The following SLC9B2 variants were observed in gnomAD, a reference collection of about 807,000 sequenced individuals.
The protein encoded by SLC9B2 is solute carrier family 9 member B2.
A neutral mutation model predicts 52.2 loss-of-function variants in SLC9B2; 39 were observed. The observed-to-expected ratio is 0.75, with a 90% CI of 0.58 to 0.98. The LOEUF is 0.98. Among genes scored for constraint, SLC9B2 ranks in the 50% least tolerant of loss-of-function variants. SLC9B2 has a pLI of 0.00. For synonymous variants in SLC9B2, 214 were observed against 227.0 expected, an observed-to-expected ratio of 0.94 and a Z score of 0.51; for missense variants, 626 against 637.5, an observed-to-expected ratio of 0.98 and a Z score of 0.19.
Position 103,025,270 on chromosome 4 carries a change from C to T in SLC9B2, c.*1100G>A, listed in dbSNP as rs1442813060. On this transcript the variant is annotated 3_prime_UTR_variant, in exon 12 of 12. Coordinates refer to ENST00000394785, the MANE Select transcript of SLC9B2 (RefSeq NM_178833.7). ...TTTAACCCATTTATGCCTAGTGTTCCATTATTAGAATGCTAAGCCTGTGGG... is the reference window on the plus strand; with the variant it reads ...TTTAACCCATTTATGCCTAGTGTTCTATTATTAGAATGCTAAGCCTGTGGG... Among the ~76,000 whole-genome samples the T allele has an allele frequency of 6.6e-6, 1 of 152,100 alleles. No individual in the cohort carries two copies. The highest frequency in any genetic ancestry group is 1.9e-4 in the East Asian group (1 of 5,192).
intron 10 of SLC9B2, among the ~76,000 whole-genome samples, chr4:103,030,845 T>G (rs1246731492): frequency 3.3e-5 from 5 of 152,028 alleles, no homozygotes; most frequent in African/African-American, 1.2e-4. Context: ...AACAACAATT[T>G]CCCTTTACTC....
At chr4:103,044,195 C>T (rs1743895088) in intron 8 of SLC9B2, among the ~76,000 whole-genome samples, 1 of 152,174 alleles carries the variant, frequency 6.6e-6, no homozygotes, top group Non-Finnish European at 1.5e-5. Flanking sequence ...GTTCAAGTCA[C>T]TTATCCTGCC....
downstream of SLC9B2, among the ~76,000 whole-genome samples, chr4:103,020,598 G>C (rs989749545): frequency 6.6e-6 from 1 of 151,980 alleles, no homozygotes; most frequent in Non-Finnish European, 1.5e-5. Flanking sequence ...CCAAATTACC[G>C]TTCCTTCTTG....
intron 1 of SLC9B2, among the ~76,000 whole-genome samples, chr4:103,073,961 C>T (rs1217535030): frequency 6.6e-6 from 1 of 152,194 alleles, no homozygotes; most frequent in East Asian, 1.9e-4. Flanking sequence ...TCTGTAACAC[C>T]ATTCCTCTTT....
rs964604466 is a variant in SLC9B2 at position 103,024,873 on chromosome 4, G to C, written c.*1497C>G. The stretch of plus-strand genomic sequence containing the variant: ...AGTAGGATAAAATATGACCTATGCA[G>C]GTAAGTCTTTCTTCTAATATTTTCT... On this transcript the variant is annotated 3_prime_UTR_variant, in exon 12 of 12. Coordinates refer to ENST00000394785, the MANE Select transcript of SLC9B2 (RefSeq NM_178833.7). Among the ~76,000 whole-genome samples, 3 of 152,190 alleles carry C rather than the reference G, an allele frequency of 2.0e-5. No homozygotes were observed. The highest frequency in any genetic ancestry group is 2.0e-4 in the Admixed American group (3 of 15,276).
chr4:103,040,283 A>G (rs1241345506), intron 9 of SLC9B2, among the ~76,000 whole-genome samples: 1 of 152,250 alleles, frequency 6.6e-6, no homozygotes, highest in Non-Finnish European at 1.5e-5. Context: ...AATGTATTTC[A>G]TACACTCAGA....
intron 5 of SLC9B2, among the ~76,000 whole-genome samples, chr4:103,049,790 T>C (rs933322758): frequency 7.9e-5 from 12 of 152,084 alleles, no homozygotes; most frequent in African/African-American, 2.9e-4. Context: ...AGCAGGCAGA[T>C]CACCTGAGGT....
chr4:103,056,122 G>C (rs1203366294), intron 4 of SLC9B2, among the ~76,000 whole-genome samples: 1 of 151,596 alleles, frequency 6.6e-6, no homozygotes, highest in Non-Finnish European at 1.5e-5. Flanking sequence ...AGAATTCTTT[G>C]AAGAAACGTT....
chr4:103,038,400 T>C (rs1194900211), intron 9 of SLC9B2, among the ~76,000 whole-genome samples: 4 of 152,232 alleles, frequency 2.6e-5, no homozygotes, highest in Admixed American at 2.6e-4. Context: ...TTTAGACTAG[T>C]TGAACATCAG....
downstream of SLC9B2, chr4:103,020,501 C>T (rs1472641405): frequency 3.1e-6 from 1 of 320,812 alleles, no homozygotes; most frequent in Non-Finnish European, 6.1e-6. Flanking sequence ...CTCTTGAACA[C>T]TGTATTCCTT....
In SLC9B2 at chr4:103,057,877, G is replaced by A; in HGVS notation, c.366C>T (p.Phe122=). The A allele has an allele frequency of 6.2e-7, 1 of 1,613,798 alleles. No homozygotes were observed. The highest frequency in any genetic ancestry group is 1.1e-5 in the South Asian group (1 of 91,018). Residue 122 remains phenylalanine, a synonymous_variant, in exon 4 of 12, where the codon TTC becomes TTT. Transcript: ENST00000394785. ...GTTTACCACCAATGATGGCACAATA[G>A]AATAGGATTATAATTCCAAATAGGT... is the stretch of plus-strand genomic sequence containing the variant. ...GGNLFGIIIL[F]YCAIIGGKLL...
At chr4:103,069,583 T>C (rs1211633296) in intron 1 of SLC9B2, among the ~76,000 whole-genome samples, 1 of 152,240 alleles carries the variant, frequency 6.6e-6, no homozygotes, top group African/African-American at 2.4e-5. Context: ...AAGAATCATT[T>C]TGCTTTCCCT....
intron 9 of SLC9B2, among the ~76,000 whole-genome samples, chr4:103,041,020 T>C (rs1013390264): frequency 6.6e-6 from 1 of 152,212 alleles, no homozygotes; most frequent in Non-Finnish European, 1.5e-5. Context: ...AGGTACTTCA[T>C]ATTTTACTGG....
chr4:103,058,715 C>T (rs556690779), intron 3 of SLC9B2, among the ~76,000 whole-genome samples: 1 of 152,148 alleles, frequency 6.6e-6, no homozygotes, highest in South Asian at 2.1e-4. Context: ...AATTTTTCAT[C>T]TGGGACAATT....
At chr4:103,038,722 T>A (rs1259201224) in intron 9 of SLC9B2, among the ~76,000 whole-genome samples, 1 of 152,200 alleles carries the variant, frequency 6.6e-6, no homozygotes, top group Non-Finnish European at 1.5e-5. Context: ...TCTACTTAAG[T>A]TTATACTTTT....
intron 9 of SLC9B2, among the ~76,000 whole-genome samples, chr4:103,036,274 C>T (rs1743164054): frequency 6.6e-6 from 1 of 152,130 alleles, no homozygotes; most frequent in South Asian, 2.1e-4. Context: ...AATGCAGGAA[C>T]AGAAAACCAA....
intron 10 of SLC9B2, among the ~76,000 whole-genome samples, chr4:103,030,516 G>A (rs1742603270): frequency 6.6e-6 from 1 of 151,934 alleles, no homozygotes; most frequent in African/African-American, 2.4e-5. Flanking sequence ...GCAGAAGCTG[G>A]GCTAAAATGT....
downstream of SLC9B2, among the ~76,000 whole-genome samples, chr4:103,022,062 C>T (rs1741830709): frequency 6.6e-6 from 1 of 152,200 alleles, no homozygotes; most frequent in African/African-American, 2.4e-5. Context: ...AGGCAAGTAT[C>T]ATGTCTTATT....
At chr4:103,043,661 T>A (rs1743841895) in intron 8 of SLC9B2, among the ~76,000 whole-genome samples, 2 of 152,284 alleles carry the variant, frequency 1.3e-5, no homozygotes, top group African/African-American at 4.8e-5. Context: ...GAACACCAAT[T>A]CTCTCCTCTA....
Sources: allele counts gnomAD v4.1 joint callset (sites outside exome capture counted in the v4.1 genomes callset), GRCh38; gene constraint gnomAD v4.1.1; transcripts MANE v1.5; gene names NCBI Gene and HGNC (gene_info 2026-07-23, HGNC 2026-07-21).